EMC7: variants seen among roughly 807,000 people sequenced by gnomAD.
The protein encoded by EMC7 is endoplasmic reticulum membrane protein complex subunit 7.
Under a neutral mutation model 24.4 loss-of-function variants are expected in EMC7, and 4 were observed. That is an observed-to-expected ratio of 0.16 (90% CI 0.08 to 0.38). The LOEUF (loss-of-function observed/expected upper bound fraction) is 0.38. EMC7 is among the 10% of genes least tolerant of loss of function. EMC7 has a pLI of 1.00. For missense variants in EMC7, 221 were observed against 300.6 expected (o/e 0.74, Z 1.96); for synonymous variants, 106 against 112.0 (o/e 0.95, Z 0.34).
chr15:34,100,333 C>T (rs552270430), intron 1 of EMC7, among the ~76,000 whole-genome samples: 1 of 152,226 alleles, frequency 6.6e-6, no homozygotes, highest in South Asian at 2.1e-4. Flanking sequence ...AGAAAAAGAC[C>T]TTGTCTCAAA....
At chr15:34,100,854 T>A (rs1168296587) in intron 1 of EMC7, 2 of 151,994 alleles carry the variant, frequency 1.3e-5, no homozygotes, top group Non-Finnish European at 2.9e-5. Flanking sequence ...AAAAGCAGGC[T>A]GCTGCAAAAC....
At position 34,101,834 on chromosome 15, in the gene EMC7, C is replaced by A; in HGVS notation, c.6G>T (p.Ala2=). M[A]AALWGFFPVL... ...CGGGAAAGAAGCCCCACAGAGCGGC[C>A]GCCATGACAGCAGCTCTGCACTCAG... Residue 2 remains alanine, a synonymous_variant, in exon 1 of 5, where the codon GCG becomes GCT. Transcript: ENST00000256545. 6.2e-7 allele frequency: 1 copy of A among 1,602,926 alleles called. No homozygotes were observed. The highest frequency in any genetic ancestry group is 1.1e-5 in the South Asian group (1 of 90,468).
intron 1 of EMC7, among the ~76,000 whole-genome samples, chr15:34,100,177 CAAAAAATT>C (rs1901152411): frequency 6.6e-6 from 1 of 152,102 alleles, no homozygotes; most frequent in African/African-American, 2.4e-5. Context: ...CCTGTCTCTA[CAAAAAATT>C]AAAAAATTAG....
intron 4 of EMC7, 40 bp from the exon 5 acceptor site, chr15:34,084,526 G>C (rs756218873): frequency 2.5e-6 from 4 of 1,588,752 alleles, no homozygotes; most frequent in African/African-American, 1.3e-5. Flanking sequence ...AGGATCCTTC[G>C]AGTCTTTTAA....
At chr15:34,101,474 G>C (rs1171228900) in intron 1 of EMC7, 130 bp downstream of exon 1, 1 of 952,494 alleles carries the variant, frequency 1.0e-6, no homozygotes, top group Non-Finnish European at 1.6e-6. Flanking sequence ...TCCCGGCATA[G>C]ACCGTTAGCG....
At chr15:34,090,159 C>T (rs2140868427) in intron 3 of EMC7, among the ~76,000 whole-genome samples, 158 bp downstream of exon 3, 1 of 152,134 alleles carries the variant, frequency 6.6e-6, no homozygotes, top group Non-Finnish European at 1.5e-5. Context: ...TTATGTATTC[C>T]CAAAGCCACT....
intron 2 of EMC7, among the ~76,000 whole-genome samples, chr15:34,093,754 A>AC (rs1421104734): frequency 7.2e-6 from 1 of 139,620 alleles, no homozygotes; most frequent in African/African-American, 2.7e-5. Flanking sequence ...TTTAATATAA[A>AC]AGAACTTTAC....
At chr15:34,093,780 T>TACACACACACACACACAC in intron 2 of EMC7, among the ~76,000 whole-genome samples, 2 of 8,894 alleles carry the variant, frequency 2.2e-4, no homozygotes, top group Non-Finnish European at 6.3e-4. Flanking sequence ...CACATATATG[T>TACACACACACACACACAC]ATACACACAC....
intron 2 of EMC7, among the ~76,000 whole-genome samples, chr15:34,095,548 G>T (rs183048392): frequency 1.3e-5 from 2 of 152,258 alleles, no homozygotes; most frequent in Middle Eastern, 3.4e-3. Context: ...AAAAACAGGT[G>T]ATGAATAGTA....
At position 34,101,852 on chromosome 15, in the gene EMC7, GCACTCA is replaced by G; in HGVS notation, c.-19_-14del. 6.3e-7 allele frequency: 1 copy of G among 1,576,612 alleles called. No homozygotes were observed. The highest frequency in any genetic ancestry group is 8.6e-7 in the Non-Finnish European group (1 of 1,164,820). ...GAGCGGCCGCCATGACAGCAGCTCT[GCACTCA>G]GACCGGCAGCCCCGGAAGCCCTCCC... On this transcript the variant is annotated 5_prime_UTR_variant, in exon 1 of 5. Coordinates refer to ENST00000256545, the MANE Select transcript of EMC7 (RefSeq NM_020154.3).
rs139793191 is a variant in EMC7 at position 34,086,083 on chromosome 15, G to T, written c.577-1597C>A. The T allele has an allele frequency of 1.5e-4, 50 of 329,050 alleles. No homozygotes were observed. The East Asian group carries it at 4.3e-3, about 28-fold the overall frequency. 20.4% of individuals were successfully genotyped at this position (329,050 alleles called of 1,614,324 possible). On this transcript the variant is annotated intron_variant, in intron 4 of 4. Transcript: ENST00000256545. ...TCCAGCTCCTTGATGTTGTAGACCA[G>T]GAACTTCCAGAAGCCACTGGGTAGT...
Position 34,084,454 on chromosome 15 carries a change from G to T in EMC7, c.609C>A (p.Ser203=). 3 of 1,613,360 alleles carry T rather than the reference G, an allele frequency of 1.9e-6. No individual in the cohort carries two copies. The highest frequency in any genetic ancestry group is 2.5e-6 in the Non-Finnish European group (3 of 1,179,482). ...EMEQSMNMLN[S]NHELPDVSEF... is the part of the protein sequence containing the mutation. ...CAGAAACATCAGGCAACTCATGGTT[G>T]GAATTCAGCATATTCATTGACTGCT... The change falls in exon 5 of 5, where the codon TCC becomes TCA. Residue 203 remains serine, a synonymous_variant. Transcript: ENST00000256545.
intron 2 of EMC7, among the ~76,000 whole-genome samples, chr15:34,094,930 TCAAAGAAAG>T (rs987489264): frequency 7.9e-5 from 12 of 152,156 alleles, no homozygotes; most frequent in Non-Finnish European, 1.5e-4. Context: ...ACTTTCAATG[TCAAAGAAAG>T]CAAAGAAAGA....
At chr15:34,099,113 G>A (rs1597406849) in intron 1 of EMC7, among the ~76,000 whole-genome samples, 2 of 38,876 alleles carry the variant, frequency 5.1e-5, no homozygotes, top group Admixed American at 7.0e-4. Flanking sequence ...TGTGGTTTTT[G>A]TTTAAGTCCT....
intron 1 of EMC7, among the ~76,000 whole-genome samples, chr15:34,097,071 T>C: frequency 8.2e-6 from 1 of 122,582 alleles, no homozygotes; most frequent in Non-Finnish European, 1.6e-5. Context: ...TCTCACTCTG[T>C]TGCCCAGGCT....
chr15:34,086,486 T>C (rs1900889537), intron 4 of EMC7, among the ~76,000 whole-genome samples: 1 of 152,152 alleles, frequency 6.6e-6, no homozygotes. Flanking sequence ...TGGAGTGCAA[T>C]GGCACGATCT....
At position 34,084,138 on chromosome 15, in the gene EMC7, T is replaced by G. The variant is rs575560716; in HGVS notation, c.*196A>C. On this transcript the variant is annotated 3_prime_UTR_variant, in exon 5 of 5. Coordinates refer to ENST00000256545, the MANE Select transcript of EMC7 (RefSeq NM_020154.3). ...TTCAGTGACATCAATATTGACCTCA[T>G]ACAGACAAAAGATGAAAGCTGGGTT... 188 of 589,660 alleles carry G rather than the reference T, an allele frequency of 3.2e-4. No individual in the cohort carries two copies. In the African/African-American group the frequency reaches 3.3e-3, roughly 10 times the overall value. The allele number at this position is 589,660 out of a possible 1,614,324, so 36.5% of individuals were successfully genotyped here.
chr15:34,096,975 CAAA>C (rs547840840), intron 1 of EMC7, among the ~76,000 whole-genome samples: 2 of 121,744 alleles, frequency 1.6e-5, no homozygotes, highest in Non-Finnish European at 1.7e-5. Flanking sequence ...CCATCTCCAA[CAAA>C]AAAAAAAAAA....
rs7172813 is a variant in EMC7, at chr15:34,086,234, T to C, written c.577-1748A>G. On this transcript the variant is annotated intron_variant, in intron 4 of 4. Transcript: ENST00000256545. ...GCCAGTTAAGCTAAATTTTGACATA[T>C]TGGTCTGACTGGTGCCAGATAAACC... is the stretch of plus-strand genomic sequence containing the variant. 8.5e-3 allele frequency: 2,984 copies of C among 352,908 alleles called. 82 individuals carry two copies. The highest frequency in any genetic ancestry group is 0.061 in the African/African-American group (2,783 of 45,408). The allele number at this position is 352,908 out of a possible 1,614,324, so 21.9% of individuals were successfully genotyped here. A position where few individuals can be genotyped will look rare whatever the true frequency, so the allele number is the denominator to read the frequency against.
Sources: allele counts gnomAD v4.1 joint callset (sites outside exome capture counted in the v4.1 genomes callset), GRCh38; gene constraint gnomAD v4.1.1; transcripts MANE v1.5; gene names NCBI Gene and HGNC (gene_info 2026-07-23, HGNC 2026-07-21).